The following GOLGA4 variants were observed in gnomAD, a reference collection of about 807,000 sequenced individuals.
The protein encoded by GOLGA4 is golgin A4.
In GOLGA4, 169 loss-of-function variants were observed where a neutral mutation model predicts 265.9. That is an observed-to-expected ratio of 0.64 (90% CI 0.56 to 0.72). The LOEUF (loss-of-function observed/expected upper bound fraction) is 0.72, where lower values mean the gene tolerates loss of function less well. GOLGA4 is among the 30% of genes least tolerant of loss of function. GOLGA4 has a pLI of 0.00. For missense variants in GOLGA4, 2,482 were observed against 2,483.4 expected, an observed-to-expected ratio of 1.00 and a Z score of 0.01; for synonymous variants, 923 against 855.8, an observed-to-expected ratio of 1.08 and a Z score of -1.37.
At position 37,297,889 on chromosome 3, in the gene GOLGA4, C is replaced by T. The variant is rs140261271; in HGVS notation, c.815-944C>T. Among the ~76,000 whole-genome samples the T allele has an allele frequency of 9.7e-3, 1,482 of 152,118 alleles. 92 individuals are homozygous for T. Among genetic ancestry groups the T allele is most frequent in the Admixed American group, 0.091 (1,386 of 15,282 alleles). ...TAAAAATACAAACAAGTTAGCGAGA[C>T]GTGGTGGTGTGCGCCTGTAATCCCA... On this transcript the variant is annotated intron_variant, in intron 7 of 23. Transcript: ENST00000361924.
chr3:37,358,885 T>G (rs141731773), intron 22 of GOLGA4, among the ~76,000 whole-genome samples: 1 of 152,210 alleles, frequency 6.6e-6, no homozygotes, highest in Non-Finnish European at 1.5e-5. Context: ...TCTCAATGGT[T>G]TGACTGCTGT....
chr3:37,340,142 C>T lies in GOLGA4; in HGVS notation c.6415C>T (p.Arg2139Cys), dbSNP rs748895047. The T allele has an allele frequency of 5.9e-6, 8 of 1,361,654 alleles. No homozygotes were observed. The highest frequency in any genetic ancestry group is 5.5e-5 in the Admixed American group (3 of 54,304). 84.3% of individuals were successfully genotyped at this position (1,361,654 alleles called of 1,614,324 possible). A position where few individuals can be genotyped will look rare whatever the true frequency, so the allele number is the denominator to read the frequency against. ...FREQIHNLEDRLKKYEKNVYA... is the reference protein window; with the variant it reads ...FREQIHNLEDCLKKYEKNVYA... ...TTTTTAGATTCACAATTTAGAAGAC[C>T]GTTTGAAGAAATATGAAAAGAATGT... Residue 2139 changes from arginine to cysteine, a missense_variant, in exon 20 of 24, where the codon CGT (arginine) becomes TGT (cysteine). Around this residue, in one of 3 missense-constraint regions of GOLGA4, gnomAD observed 942 missense variants for 983.1 expected, o/e 0.96. Transcript: ENST00000361924.
chr3:37,271,709 C>T (rs1165298263), intron 2 of GOLGA4, among the ~76,000 whole-genome samples: 1 of 152,104 alleles, frequency 6.6e-6, no homozygotes, highest in African/African-American at 2.4e-5. Context: ...TCTGTTCCAT[C>T]AGTAAATATT....
Position 37,355,185 on chromosome 3 carries a change from A to G in GOLGA4, c.6661A>G (p.Met2221Val), listed in dbSNP as rs547675952. ...KILEREDARL[M>V]FTSPRSGIF ...TTTGGAAAGAGAAGATGCTCGGCTGATGGTAAGTTCTGGAAGTGGGCTCTA... is the reference window on the plus strand; with the variant it reads ...TTTGGAAAGAGAAGATGCTCGGCTGGTGGTAAGTTCTGGAAGTGGGCTCTA... The change falls in exon 22 of 24, where the codon ATG becomes GTG. Residue 2221 changes from methionine to valine, a missense_variant and splice_region_variant. Coordinates refer to ENST00000361924, the MANE Select transcript of GOLGA4 (RefSeq NM_002078.5). 8 of 1,552,706 alleles carry G rather than the reference A, an allele frequency of 5.2e-6. No individual in the cohort carries two copies. Among genetic ancestry groups the G allele is most frequent in the Non-Finnish European group, 6.2e-6 (7 of 1,124,346 alleles).
At chr3:37,338,755 C>T (rs1476995022) in intron 19 of GOLGA4, among the ~76,000 whole-genome samples, 8 of 152,126 alleles carry the variant, frequency 5.3e-5, no homozygotes, top group East Asian at 1.9e-4. Context: ...ACCTCCTCCC[C>T]GTAACACCTA....
chr3:37,310,028 A>C (rs376997482), intron 10 of GOLGA4, among the ~76,000 whole-genome samples: 11 of 151,956 alleles, frequency 7.2e-5, no homozygotes, highest in African/African-American at 2.7e-4. Flanking sequence ...CATTTCATTC[A>C]CTCATTTTGT....
intron 3 of GOLGA4, among the ~76,000 whole-genome samples, chr3:37,283,058 T>C (rs1041069129): frequency 4.0e-5 from 6 of 151,098 alleles, no homozygotes; most frequent in Non-Finnish European, 8.8e-5. Context: ...ACCATTGTAG[T>C]TAATTTTAAT....
At chr3:37,356,594 CAGAG>C (rs1353148561) in intron 22 of GOLGA4, among the ~76,000 whole-genome samples, 8 of 152,040 alleles carry the variant, frequency 5.3e-5, no homozygotes, top group Non-Finnish European at 7.4e-5. Flanking sequence ...CATTCATCAA[CAGAG>C]AGAATGTTGT....
At chr3:37,277,915 T>C (rs2096823823) in intron 2 of GOLGA4, among the ~76,000 whole-genome samples, 1 of 152,128 alleles carries the variant, frequency 6.6e-6, no homozygotes, top group African/African-American at 2.4e-5. Context: ...CAATTTCTTA[T>C]TGCATATCAT....
intron 10 of GOLGA4, among the ~76,000 whole-genome samples, chr3:37,313,017 A>G (rs542867841): frequency 3.0e-4 from 45 of 152,284 alleles, no homozygotes; most frequent in African/African-American, 1.0e-3. Flanking sequence ...AGCTTGGCCA[A>G]TATGGTGAAA....
intron 10 of GOLGA4, among the ~76,000 whole-genome samples, chr3:37,310,069 A>G (rs2096918851): frequency 6.6e-6 from 1 of 152,226 alleles, no homozygotes; most frequent in Non-Finnish European, 1.5e-5. Flanking sequence ...AAAGACAGGC[A>G]TTGGCTTACT....
intron 2 of GOLGA4, among the ~76,000 whole-genome samples, chr3:37,256,666 C>T (rs2096749575): frequency 6.6e-6 from 1 of 152,104 alleles, no homozygotes; most frequent in Non-Finnish European, 1.5e-5. Context: ...CCCCACTATC[C>T]TCAGAGTAGG....
chr3:37,330,125 A>G (rs974148971), intron 16 of GOLGA4, among the ~76,000 whole-genome samples: 1 of 142,366 alleles, frequency 7.0e-6, no homozygotes, highest in South Asian at 2.2e-4. Context: ...GTGCTAAATG[A>G]AAAAAAAAAA....
chr3:37,350,101 C>G (rs1227940843), intron 21 of GOLGA4, among the ~76,000 whole-genome samples: 1 of 152,158 alleles, frequency 6.6e-6, no homozygotes, highest in Admixed American at 6.5e-5. Flanking sequence ...TAAGGAATAC[C>G]TGGCAGGAGA....
intron 16 of GOLGA4, among the ~76,000 whole-genome samples, chr3:37,332,178 G>A (rs767327338): frequency 5.3e-5 from 8 of 152,148 alleles, no homozygotes; most frequent in Admixed American, 2.6e-4. Flanking sequence ...GTGATACCTC[G>A]TCTAGTTTGG....
chr3:37,361,027 T>C (rs1696214634), intron 22 of GOLGA4, among the ~76,000 whole-genome samples: 1 of 152,142 alleles, frequency 6.6e-6, no homozygotes, highest in African/African-American at 2.4e-5. Flanking sequence ...AAGTTGCAAG[T>C]AAAATCTCAG....
At chr3:37,260,846 A>T (rs1451272079) in intron 2 of GOLGA4, among the ~76,000 whole-genome samples, 1 of 152,046 alleles carries the variant, frequency 6.6e-6, no homozygotes, top group Non-Finnish European at 1.5e-5. Flanking sequence ...TTTTTCAAGG[A>T]ATTTCAAAGA....
chr3:37,282,432 ACT>A (rs1353613960), intron 3 of GOLGA4, among the ~76,000 whole-genome samples, 160 bp downstream of exon 3: 1 of 151,560 alleles, frequency 6.6e-6, no homozygotes, highest in Non-Finnish European at 1.5e-5. Flanking sequence ...CTAGTTAAAG[ACT>A]CTCAATATCT....
chr3:37,298,521 A>T (rs899238075), intron 7 of GOLGA4, among the ~76,000 whole-genome samples: 4 of 152,222 alleles, frequency 2.6e-5, no homozygotes, highest in African/African-American at 9.6e-5. Context: ...CTTCAGCTGC[A>T]TGACTCCTAA....
Sources: gnomAD v4.1 joint callset for allele counts (sites outside exome capture counted in the v4.1 genomes callset) on GRCh38, gnomAD v4.1.1 for gene constraint, gnomAD v4.1.1 regional missense constraint, MANE v1.5 for transcripts, NCBI Gene and HGNC (gene_info 2026-07-23, HGNC 2026-07-21) for gene names.